TADA1: variants seen among roughly 807,000 people sequenced by gnomAD.
TADA1 encodes the protein transcriptional adaptor 1, also known as transcriptional adapter 1.
Under a neutral mutation model 39.3 loss-of-function variants are expected in TADA1, and 23 were observed. The observed-to-expected ratio is 0.58, with a 90% CI of 0.42 to 0.83. TADA1 has a LOEUF of 0.83. Among genes scored for constraint, TADA1 ranks in the 40% least tolerant of loss-of-function variants. TADA1 has a pLI of 0.00. For missense variants in TADA1, 352 were observed against 408.1 expected (o/e 0.86, Z 1.18); for synonymous variants, 137 against 151.8 (o/e 0.90, Z 0.72).
chr1:166,876,206 C>T lies in TADA1; in HGVS notation c.28G>A (p.Ala10Thr). ...GCCTCGCTTAAGTTCTTCTTGGCCG[C>T]CTCCAGCTCGCTCACAAAGGTCGCC... MATFVSELE[A>T]AKKNLSEALG... is the part of the protein sequence containing the mutation. Residue 10 changes from alanine to threonine, a missense_variant, in exon 1 of 8, where the codon GCG (alanine) becomes ACG (threonine). By Grantham distance (58) the Ala-to-Thr change is moderately conservative. Coordinates refer to ENST00000367874, the MANE Select transcript of TADA1 (RefSeq NM_053053.4). The T allele has an allele frequency of 6.2e-7, 1 of 1,613,762 alleles. No individual in the cohort carries two copies. Among genetic ancestry groups the T allele is most frequent in the Non-Finnish European group, 8.5e-7 (1 of 1,179,900 alleles).
Position 166,876,238 on chromosome 1 carries a change from C to T in TADA1, c.-5G>A, listed in dbSNP as rs1401962680. 4 of 1,612,820 alleles carry T rather than the reference C, an allele frequency of 2.5e-6. No homozygotes were observed. Among genetic ancestry groups the T allele is most frequent in the South Asian group, 2.2e-5 (2 of 90,700 alleles). ...CTCGCTCACAAAGGTCGCCATTGCTCCGCGTGTCTCAGCCCGACCGCAGAC... is the reference window on the plus strand; with the variant it reads ...CTCGCTCACAAAGGTCGCCATTGCTTCGCGTGTCTCAGCCCGACCGCAGAC... On this transcript the variant is annotated 5_prime_UTR_variant, in exon 1 of 8. Coordinates refer to ENST00000367874, the MANE Select transcript of TADA1 (RefSeq NM_053053.4).
chr1:166,861,759 GAA>G lies in TADA1; in HGVS notation c.540+442_540+443del, dbSNP rs908743207. ...TTATAATGAGTTTCTCCTCTTAAAA[GAA>G]AACAACTTTTAGCCAGGTGCTATGG... On this transcript the variant is annotated intron_variant, in intron 5 of 7. Coordinates refer to ENST00000367874, the MANE Select transcript of TADA1 (RefSeq NM_053053.4). Among the ~76,000 whole-genome samples the G allele has an allele frequency of 2.6e-4, 40 of 152,116 alleles. 1 individual carries two copies. The highest frequency in any genetic ancestry group is 9.4e-4 in the African/African-American group (39 of 41,422).
In TADA1 at chr1:166,860,070, C is replaced by G. The variant is rs1036430122; in HGVS notation, c.692+116G>C. 3.0e-6 allele frequency: 3 copies of G among 987,054 alleles called. No homozygotes were observed. In the African/African-American group the frequency reaches 5.4e-5, roughly 18 times the overall value. The allele number at this position is 987,054 out of a possible 1,614,324, so 61.1% of individuals were successfully genotyped here. ...GGACTTTAAAAAATAAAATTGTACT[C>G]CTATTAAAGGTACTTAAACCTATGA... On this transcript the variant is annotated intron_variant, in intron 6 of 7. Coordinates refer to ENST00000367874, the MANE Select transcript of TADA1 (RefSeq NM_053053.4).
chr1:166,862,723 T>C (rs1363762146), intron 4 of TADA1: 6 of 378,110 alleles, frequency 1.6e-5, no homozygotes, highest in South Asian at 8.8e-5. Flanking sequence ...AGGAGAAGTA[T>C]TGAACTATAT....
intron 3 of TADA1, among the ~76,000 whole-genome samples, chr1:166,868,446 C>A (rs1658583296): frequency 2.0e-5 from 3 of 152,176 alleles, no homozygotes; most frequent in Admixed American, 2.0e-4. Flanking sequence ...ACTACGGACA[C>A]CTTTCAAGTT....
intron 6 of TADA1, among the ~76,000 whole-genome samples, chr1:166,858,775 G>A (rs1167352525): frequency 6.6e-6 from 1 of 152,228 alleles, no homozygotes; most frequent in African/African-American, 2.4e-5. Context: ...AACCCAGTAG[G>A]AGATAACCTA....
chr1:166,857,510 A>G lies in TADA1; in HGVS notation c.*57T>C. 4 of 1,597,644 alleles carry G rather than the reference A, an allele frequency of 2.5e-6. No individual in the cohort carries two copies. The highest frequency in any genetic ancestry group is 3.4e-6 in the Non-Finnish European group (4 of 1,171,388). The stretch of plus-strand genomic sequence containing the variant: ...GCCTTGAAATGTGGACCCAAAAAAC[A>G]TTCAATTTTCAGTAATCAATGAATT... On this transcript the variant is annotated 3_prime_UTR_variant, in exon 8 of 8. Coordinates refer to ENST00000367874, the MANE Select transcript of TADA1 (RefSeq NM_053053.4).
At chr1:166,867,623 C>A (rs1658565509) in intron 3 of TADA1, among the ~76,000 whole-genome samples, 1 of 151,092 alleles carries the variant, frequency 6.6e-6, no homozygotes, top group South Asian at 2.1e-4. Context: ...TTCACTCTGT[C>A]GCCCAGGCTG....
rs1658315571 is a variant in TADA1, at chr1:166,857,854, T to G, written c.856-135A>C. ...GTCATACACTAAAATGAATCACCAA[T>G]TGGATAATAATAAGGAAATAACAAG... On this transcript the variant is annotated intron_variant, in intron 7 of 7. Coordinates refer to ENST00000367874, the MANE Select transcript of TADA1 (RefSeq NM_053053.4). 2.9e-6 allele frequency: 3 copies of G among 1,045,530 alleles called. No individual in the cohort carries two copies. The African/African-American group carries it at 4.9e-5, about 17-fold the overall frequency. The allele number at this position is 1,045,530 out of a possible 1,614,324, so 64.8% of individuals were successfully genotyped here. A position where few individuals can be genotyped will look rare whatever the true frequency, so the allele number is the denominator to read the frequency against.
intron 3 of TADA1, among the ~76,000 whole-genome samples, chr1:166,865,096 TA>T (rs11454141): frequency 2.0e-5 from 3 of 150,372 alleles, no homozygotes; most frequent in Admixed American, 6.6e-5. Flanking sequence ...AAAATAAAAA[TA>T]AAAAAAAAGA....
intron 3 of TADA1, among the ~76,000 whole-genome samples, chr1:166,864,464 G>GA (rs1295430781): frequency 6.6e-6 from 1 of 152,230 alleles, no homozygotes; most frequent in Non-Finnish European, 1.5e-5. Flanking sequence ...AAGTGAGGCA[G>GA]AAGCACGTCA....
intron 1 of TADA1, among the ~76,000 whole-genome samples, chr1:166,870,714 T>C (rs1658638905): frequency 6.6e-6 from 1 of 152,066 alleles, no homozygotes; most frequent in Non-Finnish European, 1.5e-5. Flanking sequence ...CTGTAGTCCC[T>C]GCTACCTGGG....
chr1:166,869,334 T>C (rs1658606619), intron 3 of TADA1, 111 bp downstream of exon 3: 1 of 807,718 alleles, frequency 1.2e-6, no homozygotes, highest in African/African-American at 1.8e-5. Context: ...ACTTTTCTTC[T>C]GAGTAGTTCA....
intron 3 of TADA1, among the ~76,000 whole-genome samples, chr1:166,866,946 T>A (rs1658550299): frequency 6.6e-6 from 1 of 152,144 alleles, no homozygotes; most frequent in Admixed American, 6.5e-5. Flanking sequence ...GGTTTCACCA[T>A]GTTGGCCAGG....
intron 3 of TADA1, chr1:166,868,957 A>T (rs1459170040): frequency 5.1e-6 from 1 of 197,610 alleles, no homozygotes; most frequent in Non-Finnish European, 1.1e-5. Flanking sequence ...GGGTGTTAGA[A>T]AAGAGTAGTG....
chr1:166,874,171 T>C (rs1302362578), intron 1 of TADA1, among the ~76,000 whole-genome samples: 1 of 151,490 alleles, frequency 6.6e-6, no homozygotes, highest in Non-Finnish European at 1.5e-5. Flanking sequence ...TGAAACCCCA[T>C]CTCTACTAAA....
intron 2 of TADA1, 64 bp downstream of exon 2, chr1:166,869,699 G>C: frequency 1.3e-6 from 2 of 1,544,590 alleles, no homozygotes; most frequent in Non-Finnish European, 1.8e-6. Context: ...AAAGGGAAAA[G>C]ACTTTACTAC....
Position 166,862,319 on chromosome 1 carries a change from T to C in TADA1, c.424A>G (p.Thr142Ala), listed in dbSNP as rs1557908519. The C allele has an allele frequency of 6.2e-7, 1 of 1,614,220 alleles. No homozygotes were observed. Among genetic ancestry groups the C allele is most frequent in the Admixed American group, 1.7e-5 (1 of 60,030 alleles). ...DDDDLKLCSH[T>A]MMLPTRGQLE... is the part of the protein sequence containing the mutation. ...TGGCCTCGAGTGGGAAGCATCATTG[T>C]GTGGGAACAAAGTTTCAAGTCGTCA... Residue 142 changes from threonine (T) to alanine (A), a missense_variant, in exon 5 of 8, where the codon ACA (threonine) becomes GCA (alanine). Thr to Ala is a moderately conservative substitution (Grantham distance 58). Around this residue, in one of 3 missense-constraint regions of TADA1, gnomAD observed 285 missense variants for 310.9 expected, o/e 0.92. Coordinates refer to ENST00000367874, the MANE Select transcript of TADA1 (RefSeq NM_053053.4).
intron 7 of TADA1, among the ~76,000 whole-genome samples, 187 bp downstream of exon 7, chr1:166,857,932 T>C (rs1217387552): frequency 6.6e-6 from 1 of 152,102 alleles, no homozygotes; most frequent in Non-Finnish European, 1.5e-5. Flanking sequence ...TCTTTCTTTA[T>C]TGGGGAGATA....
Sources: gnomAD v4.1 joint callset for allele counts (sites outside exome capture counted in the v4.1 genomes callset) on GRCh38, gnomAD v4.1.1 for gene constraint, gnomAD v4.1.1 regional missense constraint, MANE v1.5 for transcripts, NCBI Gene and HGNC (gene_info 2026-07-23, HGNC 2026-07-21) for gene names.